COL19A1: variants seen among roughly 807,000 people sequenced by gnomAD.
COL19A1 encodes collagen alpha-1(XIX) chain.
A neutral mutation model predicts 190.2 loss-of-function variants in COL19A1; 159 were observed. That is an observed-to-expected ratio of 0.84 (90% CI 0.73 to 0.95). The LOEUF (loss-of-function observed/expected upper bound fraction) is 0.95. COL19A1 is among the 40% of genes least tolerant of loss of function. COL19A1 has a pLI of 0.00. For synonymous variants in COL19A1, 509 were observed against 458.9 expected, an observed-to-expected ratio of 1.11 and a Z score of -1.39; for missense variants, 1,418 against 1,431.9, an observed-to-expected ratio of 0.99 and a Z score of 0.16.
chr6:70,100,106 A>C (rs3806026), intron 15 of COL19A1, among the ~76,000 whole-genome samples: 1 of 151,896 alleles, frequency 6.6e-6, no homozygotes, highest in Admixed American at 6.6e-5. Context: ...AATATACATG[A>C]CTCCTTTGAA....
intron 4 of COL19A1, among the ~76,000 whole-genome samples, chr6:69,911,134 A>G (rs959066205): frequency 6.6e-6 from 1 of 152,216 alleles, no homozygotes; most frequent in Non-Finnish European, 1.5e-5. Flanking sequence ...ACACAGTCAG[A>G]CTGTAGGATA....
At position 70,168,761 on chromosome 6, in the gene COL19A1, G is replaced by A. The variant is rs1037931038; in HGVS notation, c.2568+80G>A. On this transcript the variant is annotated intron_variant, in intron 40 of 50. Coordinates refer to ENST00000620364, the MANE Select transcript of COL19A1 (RefSeq NM_001858.6). ...TGAAAGAAAAGCATCGGGCAAAATGGCCTGCCTTCTTAGGTGTTCATCAAT... is the reference window on the plus strand; with the variant it reads ...TGAAAGAAAAGCATCGGGCAAAATGACCTGCCTTCTTAGGTGTTCATCAAT... 4.0e-6 allele frequency: 6 copies of A among 1,486,110 alleles called. No homozygotes were observed. The African/African-American group carries it at 8.4e-5, about 21-fold the overall frequency. The allele number at this position is 1,486,110 out of a possible 1,614,324, so 92.1% of individuals were successfully genotyped here. A position where few individuals can be genotyped will look rare whatever the true frequency, so the allele number is the denominator to read the frequency against.
intron 13 of COL19A1, among the ~76,000 whole-genome samples, chr6:70,034,633 T>C (rs771977043): frequency 6.6e-6 from 1 of 152,326 alleles, no homozygotes; most frequent in Non-Finnish European, 1.5e-5. Flanking sequence ...GCCATAATGG[T>C]GAGGCAAGTG....
chr6:70,142,574 A>ATTGCC (rs1786330013), intron 22 of COL19A1, among the ~76,000 whole-genome samples, 193 bp from the exon 23 acceptor site: 2 of 152,170 alleles, frequency 1.3e-5, no homozygotes, highest in Non-Finnish European at 2.9e-5. Flanking sequence ...CATAAATTAA[A>ATTGCC]AGTATCTGGA....
chr6:69,903,590 G>A (rs1217286375), intron 4 of COL19A1, among the ~76,000 whole-genome samples: 5 of 152,178 alleles, frequency 3.3e-5, no homozygotes, highest in Non-Finnish European at 5.9e-5. Context: ...CAGTCCGGGG[G>A]GTTGTTATCC....
At chr6:70,097,517 C>CAAA (rs200659215) in intron 15 of COL19A1, among the ~76,000 whole-genome samples, 1 of 139,652 alleles carries the variant, frequency 7.2e-6, no homozygotes. Context: ...GATCCTGTCT[C>CAAA]AAAAAAAAAA....
Position 70,034,300 on chromosome 6 carries a change from T to C in COL19A1, c.1134+2T>C, listed in dbSNP as rs201039333. The C allele has an allele frequency of 3.7e-5, 60 of 1,611,918 alleles. No homozygotes were observed. Among genetic ancestry groups the C allele is most frequent in the Non-Finnish European group, 8.5e-6 (10 of 1,178,158 alleles). On this transcript the variant is annotated splice_donor_variant, in intron 13 of 50. Transcript: ENST00000620364. LOFTEE classifies it high-confidence loss of function. ...CCACCTGGCCCAAAAGGAGAAAAGGTATTGTGTTTACCCAGCCAAGCCCAA... is the reference window on the plus strand; with the variant it reads ...CCACCTGGCCCAAAAGGAGAAAAGGCATTGTGTTTACCCAGCCAAGCCCAA...
At chr6:69,995,346 T>A (rs948442819) in intron 11 of COL19A1, among the ~76,000 whole-genome samples, 2 of 152,194 alleles carry the variant, frequency 1.3e-5, no homozygotes, top group Non-Finnish European at 2.9e-5. Context: ...GAGTGATCAC[T>A]ATCTAATAGT....
At chr6:70,030,952 T>C (rs748928125) in intron 12 of COL19A1, among the ~76,000 whole-genome samples, 3 of 152,220 alleles carry the variant, frequency 2.0e-5, no homozygotes, top group Non-Finnish European at 4.4e-5. Flanking sequence ...CTGCCCATAA[T>C]TTGTGTTCCA....
chr6:70,040,109 T>C (rs1014952994), intron 14 of COL19A1, among the ~76,000 whole-genome samples: 5 of 152,168 alleles, frequency 3.3e-5, no homozygotes, highest in African/African-American at 1.2e-4. Flanking sequence ...CTGTGGATTC[T>C]TGTGCTTTTG....
At chr6:70,001,906 A>T (rs1166110660) in intron 11 of COL19A1, among the ~76,000 whole-genome samples, 3 of 152,068 alleles carry the variant, frequency 2.0e-5, no homozygotes, top group Non-Finnish European at 4.4e-5. Flanking sequence ...TACTATGTTG[A>T]ATAGGAGTTG....
chr6:69,906,132 T>C (rs529799185), intron 4 of COL19A1, among the ~76,000 whole-genome samples: 1 of 152,356 alleles, frequency 6.6e-6, no homozygotes, highest in Non-Finnish European at 1.5e-5. Context: ...CCTTATTTTC[T>C]TGGCATAATG....
At chr6:70,198,604 G>T (rs1346256218) in intron 48 of COL19A1, among the ~76,000 whole-genome samples, 1 of 152,070 alleles carries the variant, frequency 6.6e-6, no homozygotes, top group Non-Finnish European at 1.5e-5. Context: ...GTGATAGATT[G>T]TATTTATAAT....
chr6:70,186,194 T>C (rs183199870), intron 46 of COL19A1, among the ~76,000 whole-genome samples: 251 of 152,360 alleles, frequency 1.6e-3, no homozygotes, highest in Non-Finnish European at 3.1e-3. Context: ...GCTGGACATT[T>C]GGATTCCTTC....
intron 11 of COL19A1, among the ~76,000 whole-genome samples, chr6:69,965,290 C>A (rs1052519779): frequency 1.3e-5 from 2 of 152,194 alleles, no homozygotes; most frequent in African/African-American, 4.8e-5. Flanking sequence ...GATGTCATAT[C>A]TTCCAGAAAC....
intron 1 of COL19A1, among the ~76,000 whole-genome samples, chr6:69,870,660 G>A (rs78501998): frequency 0.033 from 4,978 of 152,260 alleles, 282 homozygotes; most frequent in African/African-American, 0.11. Context: ...GGGCAATGAA[G>A]AGCCACCAGA....
chr6:69,900,391 C>T lies in COL19A1; in HGVS notation c.266+53C>T, dbSNP rs9454910. 0.09 allele frequency: 86,345 copies of T among 954,136 alleles called. 4,484 individuals carry two copies. Among genetic ancestry groups the T allele is most frequent in the South Asian group, 0.19 (9,360 of 48,622 alleles). The allele number at this position is 954,136 out of a possible 1,614,324, so 59.1% of individuals were successfully genotyped here. A position where few individuals can be genotyped will look rare whatever the true frequency, so the allele number is the denominator to read the frequency against. On this transcript the variant is annotated intron_variant, in intron 4 of 50. Coordinates refer to ENST00000620364, the MANE Select transcript of COL19A1 (RefSeq NM_001858.6). ...TTAATAATACTTCATAAATTATTTT[C>T]TAAAGAGATTTCAAATAATTTGTTT... is the stretch of plus-strand genomic sequence containing the variant.
intron 4 of COL19A1, among the ~76,000 whole-genome samples, chr6:69,910,397 A>T (rs957498191): frequency 2.6e-5 from 4 of 152,172 alleles, no homozygotes; most frequent in Admixed American, 6.5e-5. Flanking sequence ...ATTCACCTAA[A>T]ATTTCAAAAA....
intron 31 of COL19A1, among the ~76,000 whole-genome samples, chr6:70,152,219 G>A (rs1238064624): frequency 6.6e-6 from 1 of 151,766 alleles, no homozygotes; most frequent in African/African-American, 2.4e-5. Context: ...ATGAATGGAC[G>A]TTGTGTATGT....
Sources: allele counts gnomAD v4.1 joint callset (sites outside exome capture counted in the v4.1 genomes callset), GRCh38; gene constraint gnomAD v4.1.1; transcripts MANE v1.5; gene names NCBI Gene and HGNC (gene_info 2026-07-23, HGNC 2026-07-21).